The following ITPR2 variants were observed in gnomAD, a reference collection of about 807,000 sequenced individuals.
The protein encoded by ITPR2 is inositol 1,4,5-trisphosphate-gated calcium channel ITPR2.
ITPR2 carries 207 observed loss-of-function variants against 317.1 expected under a neutral mutation model. The observed-to-expected ratio is 0.65, with a 90% CI of 0.58 to 0.73. ITPR2 has a LOEUF of 0.73. ITPR2 is among the 30% of genes least tolerant of loss of function. The probability of loss-of-function intolerance (pLI) is 0.00; values close to 1 mark genes in which losing one functional copy is unlikely to be tolerated. For missense variants in ITPR2, 2,613 were observed against 3,284.0 expected (o/e 0.80, Z 4.99); for synonymous variants, 1,156 against 1,149.1 (o/e 1.01, Z -0.12).
chr12:26,448,126 T>A (rs1390904764), intron 45 of ITPR2, among the ~76,000 whole-genome samples: 1 of 151,992 alleles, frequency 6.6e-6, no homozygotes, highest in Non-Finnish European at 1.5e-5. Context: ...TGGTGAGTTG[T>A]AACAATAAGA....
Position 26,748,145 on chromosome 12 carries a change from G to A in ITPR2, c.164-22380C>T, listed in dbSNP as rs551077926. Among the ~76,000 whole-genome samples the A allele has an allele frequency of 1.3e-4, 20 of 150,492 alleles. No individual in the cohort carries two copies. The South Asian group carries it at 3.4e-3, about 25-fold the overall frequency. ...GTGATCTCGGCTCACTGCCACCTCC[G>A]CCTCCTGGGTTCAAGTGATTCTCCT... On this transcript the variant is annotated intron_variant, in intron 2 of 56. Transcript: ENST00000381340.
chr12:26,667,867 G>A (rs1947662879), intron 13 of ITPR2, among the ~76,000 whole-genome samples: 1 of 151,986 alleles, frequency 6.6e-6, no homozygotes, highest in Admixed American at 6.6e-5. Context: ...CTGAAAATTG[G>A]TGACGGTTAA....
chr12:26,600,192 A>G, intron 28 of ITPR2, 83 bp from the exon 29 acceptor site: 2 of 1,205,958 alleles, frequency 1.7e-6, no homozygotes, highest in Non-Finnish European at 2.3e-6. Flanking sequence ...TCACCCACAT[A>G]CCATTTTTCT....
intron 37 of ITPR2, among the ~76,000 whole-genome samples, chr12:26,517,837 C>CAAACAAAACAAAACA (rs145030888): frequency 2.6e-5 from 4 of 151,960 alleles, no homozygotes; most frequent in African/African-American, 9.7e-5. Flanking sequence ...GACTCTGTAT[C>CAAACAAAACAAAACA]AAACAAAACA....
intron 37 of ITPR2, among the ~76,000 whole-genome samples, chr12:26,521,314 TATTA>T (rs992777082): frequency 2.8e-4 from 42 of 152,328 alleles, no homozygotes; most frequent in African/African-American, 1.0e-3. Flanking sequence ...AAATAATTTC[TATTA>T]ATTATGTAAT....
chr12:26,752,593 A>G (rs1410623818), intron 2 of ITPR2, among the ~76,000 whole-genome samples: 1 of 152,228 alleles, frequency 6.6e-6, no homozygotes, highest in Non-Finnish European at 1.5e-5. Flanking sequence ...GTTGTTTAGC[A>G]TATGATCAAG....
At position 26,483,847 on chromosome 12, in the gene ITPR2, T is replaced by C. The variant is rs751513920; in HGVS notation, c.5863A>G (p.Thr1955Ala). 1.2e-6 allele frequency: 2 copies of C among 1,614,204 alleles called. No homozygotes were observed. Among genetic ancestry groups the C allele is most frequent in the Non-Finnish European group, 1.7e-6 (2 of 1,180,038 alleles). Residue 1955 changes from threonine (T) to alanine (A), a missense_variant, in exon 42 of 57, where the codon ACC (threonine) becomes GCC (alanine). Thr to Ala is a moderately conservative substitution (Grantham distance 58, BLOSUM62 0). Transcript: ENST00000381340. The part of the protein sequence containing the change: ...NKTNYNLVCE[T>A]LQFLDCICGS... ...CAAATGCAGTCCAGAAACTGAAGGG[T>C]CTCACAGACTAGGTTGTAATTTGTT...
At chr12:26,439,033 A>G (rs1466273861) in intron 47 of ITPR2, 94 bp downstream of exon 47, 10 of 801,830 alleles carry the variant, frequency 1.2e-5, no homozygotes, top group Non-Finnish European at 2.0e-5. Context: ...AAGAAATTAA[A>G]AAAACAATTT....
intron 34 of ITPR2, among the ~76,000 whole-genome samples, chr12:26,573,654 C>G (rs1178868625): frequency 6.6e-6 from 1 of 152,100 alleles, no homozygotes; most frequent in Non-Finnish European, 1.5e-5. Context: ...ACAGAGGAAA[C>G]CAGCAAGTGA....
intron 10 of ITPR2, among the ~76,000 whole-genome samples, chr12:26,689,678 G>A (rs1247214394): frequency 6.6e-6 from 1 of 152,162 alleles, no homozygotes; most frequent in Non-Finnish European, 1.5e-5. Flanking sequence ...GCAAACAGCT[G>A]ACGCAAGAAG....
chr12:26,398,792 G>A (rs1940082930), intron 54 of ITPR2, 84 bp downstream of exon 54: 1 of 1,164,126 alleles, frequency 8.6e-7, no homozygotes, highest in East Asian at 2.5e-5. Context: ...TTTTCCGAAA[G>A]CATGAAAAAT....
At chr12:26,749,272 A>T (rs893276348) in intron 2 of ITPR2, among the ~76,000 whole-genome samples, 2 of 152,198 alleles carry the variant, frequency 1.3e-5, no homozygotes, top group East Asian at 1.9e-4. Context: ...CAAAGCAACA[A>T]CCACTCGGAC....
chr12:26,415,258 C>A (rs370883677), intron 51 of ITPR2, 45 bp downstream of exon 51: 6 of 1,271,886 alleles, frequency 4.7e-6, no homozygotes, highest in Non-Finnish European at 6.6e-6. Flanking sequence ...ACACACAAGT[C>A]ATATCTGCCA....
At chr12:26,366,991 A>T (rs1311788732) in intron 55 of ITPR2, among the ~76,000 whole-genome samples, 1 of 152,194 alleles carries the variant, frequency 6.6e-6, no homozygotes, top group Admixed American at 6.6e-5. Context: ...CAAAACCTCA[A>T]CTTCTCCCAA....
At chr12:26,489,943 T>A (rs1363202508) in intron 39 of ITPR2, among the ~76,000 whole-genome samples, 1 of 152,152 alleles carries the variant, frequency 6.6e-6, no homozygotes, top group African/African-American at 2.4e-5. Context: ...GGGCAAGGAA[T>A]AAGATTTGAG....
At chr12:26,740,446 T>C (rs1949211163) in intron 2 of ITPR2, among the ~76,000 whole-genome samples, 1 of 152,116 alleles carries the variant, frequency 6.6e-6, no homozygotes, top group Non-Finnish European at 1.5e-5. Context: ...AAATACGCTA[T>C]AAAAGCAAGA....
chr12:26,624,872 A>C (rs1268539987), intron 23 of ITPR2, among the ~76,000 whole-genome samples: 1 of 152,194 alleles, frequency 6.6e-6, no homozygotes, highest in East Asian at 1.9e-4. Flanking sequence ...TATGTCAAAG[A>C]GATATCTGCA....
At chr12:26,479,970 G>A (rs566442756) in intron 43 of ITPR2, among the ~76,000 whole-genome samples, 81 of 152,048 alleles carry the variant, frequency 5.3e-4, no homozygotes, top group Non-Finnish European at 9.3e-4. Context: ...CAATCTTCAC[G>A]TAAACATATG....
chr12:26,426,306 C>CA (rs1941060763), intron 49 of ITPR2, among the ~76,000 whole-genome samples: 3 of 152,040 alleles, frequency 2.0e-5, no homozygotes, highest in Admixed American at 2.0e-4. Context: ...GAAAAAAAGT[C>CA]AAACACATAG....
Sources: gnomAD v4.1 joint callset for allele counts (sites outside exome capture counted in the v4.1 genomes callset) on GRCh38, gnomAD v4.1.1 for gene constraint, MANE v1.5 for transcripts, NCBI Gene and HGNC (gene_info 2026-07-23, HGNC 2026-07-21) for gene names.